Variants in PLD5 observed in about 807,000 individuals in gnomAD.
PLD5 encodes phospholipase D family member 5.
A neutral mutation model predicts 61.1 loss-of-function variants in PLD5; 36 were observed. That is an observed-to-expected ratio of 0.59 (90% CI 0.45 to 0.78). The LOEUF (loss-of-function observed/expected upper bound fraction) is 0.78. Ranked by LOEUF, PLD5 falls within the 30% of genes least tolerant of loss-of-function variation. The pLI is 0.00. For missense variants in PLD5, 515 were observed against 644.4 expected (o/e 0.80, Z 2.17); for synonymous variants, 243 against 242.8 (o/e 1.00, Z -0.01).
chr1:242,454,026 G>A (rs1024349402), intron 1 of PLD5, among the ~76,000 whole-genome samples: 2 of 151,458 alleles, frequency 1.3e-5, no homozygotes, highest in African/African-American at 4.9e-5. Context: ...TGGACAAGAT[G>A]ATACTTTCAA....
intron 4 of PLD5, among the ~76,000 whole-genome samples, chr1:242,241,910 T>TATACACTTACTATATATATATATATACAC (rs1210639780): frequency 2.0e-5 from 1 of 50,402 alleles, no homozygotes; most frequent in African/African-American, 8.1e-5. Flanking sequence ...TATATATATA[T>TATACACTTACTATATATATATATATACAC]ACTTACTGTA....
chr1:242,402,925 T>A (rs1360360430), intron 1 of PLD5, among the ~76,000 whole-genome samples: 1 of 152,178 alleles, frequency 6.6e-6, no homozygotes, highest in Non-Finnish European at 1.5e-5. Flanking sequence ...ACTGCAGCAA[T>A]AAATCACACA....
At chr1:242,279,415 T>C (rs1479615665) in intron 3 of PLD5, among the ~76,000 whole-genome samples, 1 of 152,204 alleles carries the variant, frequency 6.6e-6, no homozygotes, top group Admixed American at 6.5e-5. Context: ...TAGGATGGGC[T>C]TGGGCATAAG....
intron 4 of PLD5, among the ~76,000 whole-genome samples, chr1:242,227,396 G>T (rs1005798613): frequency 6.6e-6 from 1 of 152,058 alleles, no homozygotes; most frequent in African/African-American, 2.4e-5. Context: ...AGAGTGTCTC[G>T]CTCTGTCACC....
chr1:242,179,193 C>A (rs1402151200), intron 5 of PLD5, among the ~76,000 whole-genome samples: 1 of 150,896 alleles, frequency 6.6e-6, no homozygotes, highest in African/African-American at 2.4e-5. Context: ...TGCCCCCAAT[C>A]AAAACATTCC....
chr1:242,225,614 G>C (rs552701103), intron 4 of PLD5, among the ~76,000 whole-genome samples: 11 of 151,254 alleles, frequency 7.3e-5, no homozygotes, highest in African/African-American at 2.7e-4. Context: ...TGGAACAGTG[G>C]TTTCTCCTTG....
intron 5 of PLD5, among the ~76,000 whole-genome samples, chr1:242,138,779 G>A (rs1437493990): frequency 1.3e-5 from 2 of 152,130 alleles, no homozygotes; most frequent in Non-Finnish European, 2.9e-5. Context: ...CTTGGGGATG[G>A]TGCTGTATGA....
intron 1 of PLD5, among the ~76,000 whole-genome samples, chr1:242,477,058 T>C (rs1048131110): frequency 1.3e-5 from 2 of 152,164 alleles, no homozygotes; most frequent in African/African-American, 4.8e-5. Flanking sequence ...GAGACCTGCC[T>C]GGCCAGCGTG....
Position 242,302,565 on chromosome 1 carries a change from A to T in PLD5, c.327-14035T>A, listed in dbSNP as rs2149162687. Among the ~76,000 whole-genome samples, 2 of 152,172 alleles carry T rather than the reference A, an allele frequency of 1.3e-5. 1 individual carries two copies. Among genetic ancestry groups the T allele is most frequent in the Middle Eastern group, 6.8e-3 (2 of 294 alleles). Reference sequence around the variant, plus strand: ...AGACCTGTCTCTACCAAAAAACTTTAAACATTAGCCAGGTATGGTAGCATG... The same window carrying T: ...AGACCTGTCTCTACCAAAAAACTTTTAACATTAGCCAGGTATGGTAGCATG... On this transcript the variant is annotated intron_variant, in intron 2 of 9. Transcript: ENST00000536534.
rs377659503 is a variant in PLD5 at position 242,428,988 on chromosome 1, C to T, written c.190-80746G>A. ...TCTGTCTCAGGCACAGACCGTCCAT[C>T]TCCTCTAAAGATGGATGTGGCCCTG... On this transcript the variant is annotated intron_variant, in intron 1 of 9. Coordinates refer to ENST00000536534, the MANE Select transcript of PLD5 (RefSeq NM_001372062.1). Among the ~76,000 whole-genome samples the T allele has an allele frequency of 1.4e-4, 21 of 152,318 alleles. 1 individual carries two copies. The East Asian group carries it at 2.3e-3, about 17-fold the overall frequency.
chr1:242,198,104 A>AATGAATG (rs1558332837), intron 5 of PLD5, among the ~76,000 whole-genome samples: 7 of 111,774 alleles, frequency 6.3e-5, no homozygotes, highest in South Asian at 5.7e-4. Flanking sequence ...ATGAATGAAT[A>AATGAATG]AATGAACCAA....
intron 1 of PLD5, among the ~76,000 whole-genome samples, chr1:242,506,744 A>G (rs1443334786): frequency 6.6e-6 from 1 of 152,192 alleles, no homozygotes; most frequent in Non-Finnish European, 1.5e-5. Context: ...CTACTTTGAA[A>G]CCAAGAGGTC....
At chr1:242,493,407 G>A (rs1668236525) in intron 1 of PLD5, among the ~76,000 whole-genome samples, 1 of 152,184 alleles carries the variant, frequency 6.6e-6, no homozygotes, top group Admixed American at 6.5e-5. Context: ...GGAGGAGAGA[G>A]GCGAGCACCG....
chr1:242,321,311 T>C (rs1258810043), intron 2 of PLD5, among the ~76,000 whole-genome samples: 6 of 135,994 alleles, frequency 4.4e-5, no homozygotes, highest in South Asian at 4.2e-4. Context: ...CTCTCTCTCT[T>C]TTTTTTTTTT....
Position 242,201,367 on chromosome 1 carries a change from T to C in PLD5, c.735+18621A>G, listed in dbSNP as rs138038995. On this transcript the variant is annotated intron_variant, in intron 5 of 9. Coordinates refer to ENST00000536534, the MANE Select transcript of PLD5 (RefSeq NM_001372062.1). ...CATTGTAAGACATACATTCCAATTTTTTCCAATTAAAAATATGAAAGCCAA... is the reference window on the plus strand; with the variant it reads ...CATTGTAAGACATACATTCCAATTTCTTCCAATTAAAAATATGAAAGCCAA... Among the ~76,000 whole-genome samples, 247 of 152,290 alleles carry C rather than the reference T, an allele frequency of 1.6e-3. 4 individuals carry two copies. The highest frequency in any genetic ancestry group is 5.0e-3 in the African/African-American group (207 of 41,570).
intron 6 of PLD5, among the ~76,000 whole-genome samples, chr1:242,118,740 T>C (rs889132102): frequency 2.0e-5 from 3 of 152,310 alleles, no homozygotes; most frequent in Admixed American, 2.0e-4. Context: ...GCTCCATGTG[T>C]TTATGAAGGA....
chr1:242,468,546 C>A (rs1476617541), intron 1 of PLD5, among the ~76,000 whole-genome samples: 1 of 152,070 alleles, frequency 6.6e-6, no homozygotes, highest in Non-Finnish European at 1.5e-5. Context: ...CAGACCTTTA[C>A]AAACATGATT....
rs141880226 is a variant in PLD5, at chr1:242,163,199, A to G, written c.736-38534T>C. Among the ~76,000 whole-genome samples, 1,396 of 148,574 alleles carry G rather than the reference A, an allele frequency of 9.4e-3. 30 individuals are homozygous for G. The highest frequency in any genetic ancestry group is 0.056 in the East Asian group (280 of 4,970). On this transcript the variant is annotated intron_variant, in intron 5 of 9. Coordinates refer to ENST00000536534, the MANE Select transcript of PLD5 (RefSeq NM_001372062.1). The stretch of plus-strand genomic sequence containing the variant: ...CACTCTGTCACCCAGGCTGGAGTGC[A>G]GTGGCGCGATCTCGGCTCACTGCAA...
intron 5 of PLD5, among the ~76,000 whole-genome samples, chr1:242,188,005 T>C (rs1378609131): frequency 1.3e-5 from 2 of 152,086 alleles, no homozygotes; most frequent in Non-Finnish European, 2.9e-5. Flanking sequence ...GGAACCTGAA[T>C]GTGTGTGTGG....
Sources: allele counts gnomAD v4.1 joint callset (sites outside exome capture counted in the v4.1 genomes callset), GRCh38; gene constraint gnomAD v4.1.1; transcripts MANE v1.5; gene names NCBI Gene and HGNC (gene_info 2026-07-23, HGNC 2026-07-21).